NKAIN2: variants seen among roughly 807,000 people sequenced by gnomAD.
NKAIN2 encodes the protein sodium/potassium transporting ATPase interacting 2, also known as sodium/potassium-transporting ATPase subunit beta-1-interacting protein 2.
A neutral mutation model predicts 32.6 loss-of-function variants in NKAIN2; 14 were observed. That is an observed-to-expected ratio of 0.43 (90% CI 0.28 to 0.67). The LOEUF is 0.67. NKAIN2 is among the 30% of genes least tolerant of loss of function. NKAIN2 has a pLI of 0.17. For synonymous variants in NKAIN2, 80 were observed against 87.2 expected, an observed-to-expected ratio of 0.92 and a Z score of 0.46; for missense variants, 198 against 258.3, an observed-to-expected ratio of 0.77 and a Z score of 1.60.
At chr6:124,169,740 G>C (rs1187083033) in intron 1 of NKAIN2, among the ~76,000 whole-genome samples, 1 of 151,960 alleles carries the variant, frequency 6.6e-6, no homozygotes, top group Non-Finnish European at 1.5e-5. Flanking sequence ...ATGCACTTAG[G>C]ATGGAAATCT....
intron 1 of NKAIN2, among the ~76,000 whole-genome samples, chr6:123,914,207 T>C (rs77698238): frequency 0.016 from 2,102 of 132,112 alleles, 58 homozygotes; most frequent in African/African-American, 0.063. Flanking sequence ...CTCTTCTTTG[T>C]GTATGACGAG....
At chr6:124,781,414 T>C (rs1296508335) in intron 4 of NKAIN2, among the ~76,000 whole-genome samples, 1 of 152,178 alleles carries the variant, frequency 6.6e-6, no homozygotes, top group East Asian at 1.9e-4. Context: ...TGAACAGTAA[T>C]GGCAGCTATT....
chr6:124,700,433 G>A (rs1487629391), intron 4 of NKAIN2, among the ~76,000 whole-genome samples: 1 of 152,172 alleles, frequency 6.6e-6, no homozygotes, highest in Admixed American at 6.5e-5. Context: ...TAACAACTGA[G>A]AAGTTTATTA....
intron 3 of NKAIN2, among the ~76,000 whole-genome samples, chr6:124,422,946 C>T (rs916779277): frequency 5.9e-5 from 9 of 151,980 alleles, no homozygotes; most frequent in Non-Finnish European, 1.5e-5. Context: ...TCATGACATA[C>T]AAAAGAAAAT....
chr6:124,477,168 C>T (rs188880369), intron 3 of NKAIN2, among the ~76,000 whole-genome samples: 3 of 152,192 alleles, frequency 2.0e-5, no homozygotes, highest in Admixed American at 2.0e-4. Flanking sequence ...AATCCTTAAC[C>T]AAAGTAAGGA....
intron 1 of NKAIN2, among the ~76,000 whole-genome samples, chr6:124,168,780 A>G (rs1440725231): frequency 6.6e-6 from 1 of 152,104 alleles, no homozygotes; most frequent in East Asian, 1.9e-4. Context: ...TAAGTATATT[A>G]AGAACAATTC....
intron 3 of NKAIN2, among the ~76,000 whole-genome samples, chr6:124,357,720 A>C (rs925329345): frequency 2.6e-5 from 4 of 152,308 alleles, no homozygotes; most frequent in Middle Eastern, 3.4e-3. Context: ...AGAGGTAATA[A>C]AACGTGATAA....
intron 5 of NKAIN2, among the ~76,000 whole-genome samples, chr6:124,805,280 C>T (rs952422739): frequency 6.6e-6 from 1 of 152,118 alleles, no homozygotes; most frequent in South Asian, 2.1e-4. Flanking sequence ...GCCGGGTACT[C>T]CTCTGAGACA....
chr6:124,518,969 G>T (rs693368), intron 3 of NKAIN2, among the ~76,000 whole-genome samples: 68,400 of 152,044 alleles, frequency 0.45, 17,559 homozygotes, highest in South Asian at 0.57. Flanking sequence ...ATTCCTAAAA[G>T]ACAGTGATTC....
intron 3 of NKAIN2, among the ~76,000 whole-genome samples, chr6:124,388,895 T>C (rs1379576543): frequency 6.6e-6 from 1 of 152,118 alleles, no homozygotes; most frequent in East Asian, 1.9e-4. Context: ...CCAAGCATAG[T>C]GCTAAAGTAC....
At chr6:124,821,036 T>G (rs191987405) in intron 6 of NKAIN2, among the ~76,000 whole-genome samples, 4 of 152,324 alleles carry the variant, frequency 2.6e-5, no homozygotes, top group Non-Finnish European at 4.4e-5. Context: ...GATTCATGCC[T>G]GTAATCCTAG....
intron 4 of NKAIN2, among the ~76,000 whole-genome samples, chr6:124,725,196 C>A (rs1583728747): frequency 6.6e-6 from 1 of 152,176 alleles, no homozygotes; most frequent in African/African-American, 2.4e-5. Flanking sequence ...ATCACACATA[C>A]CCCACTCTTA....
At chr6:124,341,451 A>G (rs1165931560) in intron 2 of NKAIN2, among the ~76,000 whole-genome samples, 1 of 152,208 alleles carries the variant, frequency 6.6e-6, no homozygotes, top group African/African-American at 2.4e-5. Context: ...ATTACATTAA[A>G]TATGGCATTT....
At chr6:124,170,354 G>A (rs573979242) in intron 1 of NKAIN2, among the ~76,000 whole-genome samples, 1 of 152,126 alleles carries the variant, frequency 6.6e-6, no homozygotes, top group Non-Finnish European at 1.5e-5. Context: ...AGAGATATTT[G>A]TTGAATGAAT....
chr6:124,253,808 G>C (rs886333084), intron 1 of NKAIN2, among the ~76,000 whole-genome samples: 1 of 150,468 alleles, frequency 6.6e-6, no homozygotes, highest in African/African-American at 2.4e-5. Context: ...TATAATACTC[G>C]GTTGTTTATG....
intron 1 of NKAIN2, among the ~76,000 whole-genome samples, chr6:123,915,715 G>A (rs1775458372): frequency 1.3e-5 from 2 of 152,162 alleles, no homozygotes; most frequent in Non-Finnish European, 1.5e-5. Context: ...CTTCAGGGCA[G>A]GATGTGAAAA....
intron 1 of NKAIN2, among the ~76,000 whole-genome samples, chr6:124,008,351 A>G (rs2136699): frequency 0.54 from 81,692 of 152,008 alleles, 22,156 homozygotes; most frequent in East Asian, 0.59. Flanking sequence ...CTTTTGTTCA[A>G]GGGGAACCAG....
At chr6:124,352,356 A>G (rs536948625) in intron 2 of NKAIN2, among the ~76,000 whole-genome samples, 1 of 152,202 alleles carries the variant, frequency 6.6e-6, no homozygotes, top group African/African-American at 2.4e-5. Context: ...AAGATTCCAA[A>G]TTTTTATTAT....
At chr6:124,817,736 A>G (rs1157245663) in intron 5 of NKAIN2, among the ~76,000 whole-genome samples, 1 of 152,222 alleles carries the variant, frequency 6.6e-6, no homozygotes, top group African/African-American at 2.4e-5. Context: ...TTTGGAAAAT[A>G]TAATCTGCCA....
Sources: allele counts gnomAD v4.1 joint callset (sites outside exome capture counted in the v4.1 genomes callset), GRCh38; gene constraint gnomAD v4.1.1; transcripts MANE v1.5; gene names NCBI Gene and HGNC (gene_info 2026-07-23, HGNC 2026-07-21).